The following LINGO2 variants were observed in gnomAD, a reference collection of about 807,000 sequenced individuals.
The protein encoded by LINGO2 is leucine-rich repeat and immunoglobulin-like domain-containing nogo receptor-interacting protein 2.
In LINGO2, 14 loss-of-function variants were observed where a neutral mutation model predicts 30.6. The observed-to-expected ratio is 0.46, with a 90% confidence interval of 0.30 to 0.72. LINGO2 has a LOEUF of 0.72. Among genes scored for constraint, LINGO2 ranks in the 30% least tolerant of loss-of-function variants. LINGO2 has a pLI of 0.07. For missense variants in LINGO2, 729 were observed against 751.7 expected (o/e 0.97, Z 0.35); for synonymous variants, 317 against 288.5 (o/e 1.10, Z -1.00).
At chr9:28,715,566 G>A in the LINGO2 span, among the ~76,000 whole-genome samples, 1 of 152,096 alleles carries the variant, frequency 6.6e-6, no homozygotes, top group African/African-American at 2.4e-5. Context: ...TGAGAGGTCA[G>A]GAAGAAGAGG....
At chr9:29,129,968 A>G in the LINGO2 span, among the ~76,000 whole-genome samples, 4,104 of 152,274 alleles carry the variant, frequency 0.027, 195 homozygotes, top group African/African-American at 0.094. Context: ...TTGTGTCAAA[A>G]TAATTAGAAT....
chr9:28,057,833 G>T (rs1825007789), intron 4 of LINGO2, among the ~76,000 whole-genome samples: 1 of 151,844 alleles, frequency 6.6e-6, no homozygotes, highest in African/African-American at 2.4e-5. Context: ...ACCTACTTCT[G>T]TGTGTAGTTA....
At position 28,148,689 on chromosome 9, in the gene LINGO2, A is replaced by T. The variant is rs1827889166; in HGVS notation, c.-86-136284T>A. 1 of 1,533,642 alleles carries T rather than the reference A, an allele frequency of 6.5e-7. No individual in the cohort carries two copies. On this transcript the variant is annotated intron_variant, in intron 4 of 5. Transcript: ENST00000379992. This position sits in a 1 kb window ranked among gnomAD's most constrained non-coding sequence, Gnocchi z 5.1. ...GTGCCTGCAGTGAGTTTCTACTCCA[A>T]CGGCCATGGAGTCGCCAGTTCACAC...
intron 2 of LINGO2, among the ~76,000 whole-genome samples, chr9:28,454,148 A>T (rs1824753828): frequency 6.6e-6 from 1 of 152,148 alleles, no homozygotes; most frequent in African/African-American, 2.4e-5. Context: ...GGAATGCACA[A>T]ATCCTGTTAA....
the LINGO2 span, among the ~76,000 whole-genome samples, chr9:28,812,207 T>C: frequency 6.1e-3 from 932 of 152,208 alleles, 10 homozygotes; most frequent in African/African-American, 0.022. Flanking sequence ...AAGGGCTACC[T>C]GTCAAATTTA....
At chr9:28,267,963 T>C (rs1036614889) in intron 4 of LINGO2, among the ~76,000 whole-genome samples, 3 of 152,038 alleles carry the variant, frequency 2.0e-5, no homozygotes, top group African/African-American at 7.2e-5. Context: ...TGGTATCGAT[T>C]CATAGACAAG....
In LINGO2 at chr9:28,292,238, A is replaced by G. The variant is rs942343566; in HGVS notation, c.-87+2970T>C. Among the ~76,000 whole-genome samples the G allele has an allele frequency of 2.6e-5, 4 of 152,276 alleles. No homozygotes were observed. The East Asian group carries it at 7.7e-4, about 29-fold the overall frequency. On this transcript the variant is annotated intron_variant, in intron 4 of 5. Transcript: ENST00000379992. ...TTCTGACTCCAGCTCTCATTAGCCA[A>G]GTAAACTTGGGCAATTTTCTCACTT...
the LINGO2 span, among the ~76,000 whole-genome samples, chr9:29,100,594 CA>C: frequency 3.3e-3 from 423 of 129,752 alleles, 1 homozygote; most frequent in Non-Finnish European, 3.4e-3. Context: ...ACTCTTATCT[CA>C]AAAAAAAAAA....
intron 3 of LINGO2, among the ~76,000 whole-genome samples, chr9:28,332,135 T>A (rs1271845717): frequency 1.3e-5 from 2 of 152,138 alleles, no homozygotes; most frequent in Non-Finnish European, 2.9e-5. Context: ...CTGATTTTTT[T>A]AATAGACTTT....
At chr9:29,002,108 T>G in the LINGO2 span, among the ~76,000 whole-genome samples, 1 of 152,048 alleles carries the variant, frequency 6.6e-6, no homozygotes, top group Non-Finnish European at 1.5e-5. Context: ...TGAGACAATC[T>G]GAGTCTTTTA....
intron 4 of LINGO2, among the ~76,000 whole-genome samples, chr9:28,108,724 T>C (rs909471907): frequency 6.6e-6 from 1 of 152,104 alleles, no homozygotes; most frequent in Non-Finnish European, 1.5e-5. Flanking sequence ...CCAACAGTCC[T>C]TGAATACTTA....
intron 1 of LINGO2, among the ~76,000 whole-genome samples, chr9:28,555,859 A>C (rs1822645554): frequency 6.6e-6 from 1 of 152,122 alleles, no homozygotes; most frequent in African/African-American, 2.4e-5. Context: ...AAATCAATAA[A>C]TGTAATCCAG....
intron 2 of LINGO2, among the ~76,000 whole-genome samples, chr9:28,410,113 G>A (rs905206134): frequency 8.2e-5 from 12 of 146,912 alleles, no homozygotes; most frequent in Non-Finnish European, 1.6e-4. Context: ...AAGGAAGGAA[G>A]GAGGAAAGGA....
chr9:27,973,203 T>C (rs1820434759), intron 5 of LINGO2, among the ~76,000 whole-genome samples: 1 of 152,188 alleles, frequency 6.6e-6, no homozygotes. Flanking sequence ...TGATTCTGTT[T>C]CTCTGGGGAA....
chr9:28,933,997 T>C, the LINGO2 span, among the ~76,000 whole-genome samples: 3 of 152,170 alleles, frequency 2.0e-5, no homozygotes, highest in African/African-American at 4.8e-5. Flanking sequence ...TACGATGACA[T>C]AAGGATGTGG....
chr9:29,187,616 C>A, the LINGO2 span, among the ~76,000 whole-genome samples: 3 of 152,148 alleles, frequency 2.0e-5, no homozygotes, highest in South Asian at 6.2e-4. Flanking sequence ...TATAACTTTG[C>A]ATTATATTGT....
intron 3 of LINGO2, among the ~76,000 whole-genome samples, chr9:28,313,294 G>T (rs191968129): frequency 4.1e-4 from 63 of 152,230 alleles, no homozygotes; most frequent in African/African-American, 1.5e-3. Context: ...TAACGAGAGG[G>T]GTCTCTGGGC....
At chr9:28,888,023 A>G in the LINGO2 span, among the ~76,000 whole-genome samples, 1 of 152,130 alleles carries the variant, frequency 6.6e-6, no homozygotes, top group Non-Finnish European at 1.5e-5. Context: ...AGGAATGTAG[A>G]AAAACACTGA....
the LINGO2 span, among the ~76,000 whole-genome samples, chr9:28,738,735 G>T: frequency 6.6e-6 from 1 of 151,962 alleles, no homozygotes; most frequent in African/African-American, 2.4e-5. Context: ...ATGCAAGGGA[G>T]ATTTAAAAGT....
Sources: allele counts gnomAD v4.1 joint callset (sites outside exome capture counted in the v4.1 genomes callset), GRCh38; gene constraint gnomAD v4.1.1; non-coding constraint Gnocchi (gnomAD v3.1); transcripts MANE v1.5; gene names NCBI Gene and HGNC (gene_info 2026-07-23, HGNC 2026-07-21).